Variants in MAF observed in about 807,000 individuals in gnomAD.
The protein encoded by MAF is transcription factor Maf.
MAF carries 10 observed loss-of-function variants against 22.0 expected under a neutral mutation model. That is an observed-to-expected ratio of 0.45 (90% CI 0.28 to 0.77). The LOEUF (loss-of-function observed/expected upper bound fraction) is 0.77. Among genes scored for constraint, MAF ranks in the 30% least tolerant of loss-of-function variants. The pLI, the probability that MAF is intolerant of heterozygous loss-of-function variation, is 0.12. For missense variants in MAF, 544 were observed against 548.4 expected (o/e 0.99, Z 0.08); for synonymous variants, 337 against 255.8 (o/e 1.32, Z -3.03).
chr16:79,258,267 A>T, the MAF span, among the ~76,000 whole-genome samples: 3 of 152,154 alleles, frequency 2.0e-5, no homozygotes, highest in East Asian at 5.8e-4. Context: ...CTCGTAAAAC[A>T]TGTGCAACAC....
chr16:79,432,552 TG>T, the MAF span, among the ~76,000 whole-genome samples: 1 of 152,182 alleles, frequency 6.6e-6, no homozygotes, highest in Non-Finnish European at 1.5e-5. Context: ...GTAATATTTT[TG>T]TACCACAGTA....
At chr16:79,302,028 C>T in the MAF span, among the ~76,000 whole-genome samples, 1 of 152,224 alleles carries the variant, frequency 6.6e-6, no homozygotes, top group Non-Finnish European at 1.5e-5. Context: ...ATAGGCATGA[C>T]CTAGGTCATC....
At chr16:79,290,269 C>G in the MAF span, among the ~76,000 whole-genome samples, 1 of 152,176 alleles carries the variant, frequency 6.6e-6, no homozygotes, top group African/African-American at 2.4e-5. Context: ...AGGATGCCAA[C>G]AACACCGAGC....
chr16:79,337,993 G>T, the MAF span, among the ~76,000 whole-genome samples: 1 of 152,144 alleles, frequency 6.6e-6, no homozygotes, highest in East Asian at 1.9e-4. Context: ...CCAGCTTTGT[G>T]TCAGGCCCTG....
At chr16:79,472,654 A>T in the MAF span, among the ~76,000 whole-genome samples, 1 of 152,028 alleles carries the variant, frequency 6.6e-6, no homozygotes, top group Non-Finnish European at 1.5e-5. Flanking sequence ...ATGGGTATGG[A>T]GTTTCCTTCT....
At chr16:79,426,850 A>G in the MAF span, among the ~76,000 whole-genome samples, 1 of 152,226 alleles carries the variant, frequency 6.6e-6, no homozygotes, top group Admixed American at 6.5e-5. Flanking sequence ...GCCAACACAT[A>G]GGGTGTATAA....
At chr16:79,353,907 T>G in the MAF span, among the ~76,000 whole-genome samples, 1 of 152,198 alleles carries the variant, frequency 6.6e-6, no homozygotes, top group African/African-American at 2.4e-5. Flanking sequence ...CAAACCTTTC[T>G]GGGGATCACT....
chr16:79,211,836 G>A, the MAF span: 8 of 1,612,624 alleles, frequency 5.0e-6, no homozygotes, highest in East Asian at 1.3e-4. Flanking sequence ...CCCGCCCTGT[G>A]TGTGTCCCCT....
the MAF span, among the ~76,000 whole-genome samples, chr16:79,448,375 G>T: frequency 9.7e-6 from 1 of 103,230 alleles, no homozygotes; most frequent in Non-Finnish European, 2.4e-5. Flanking sequence ...ATGAATGCTA[G>T]CATTTTTTTT....
At chr16:79,458,296 AG>A in the MAF span, among the ~76,000 whole-genome samples, 1 of 152,084 alleles carries the variant, frequency 6.6e-6, no homozygotes, top group Non-Finnish European at 1.5e-5. Context: ...AGTCCTGAGA[AG>A]GCATGTGTCT....
chr16:79,329,956 T>C, the MAF span, among the ~76,000 whole-genome samples: 13 of 147,952 alleles, frequency 8.8e-5, no homozygotes, highest in Admixed American at 7.4e-4. Context: ...TAAGTCATCA[T>C]AAAAAAAAAA....
chr16:79,472,601 G>T, the MAF span, among the ~76,000 whole-genome samples: 8 of 152,244 alleles, frequency 5.3e-5, no homozygotes, highest in Middle Eastern at 3.4e-3. Flanking sequence ...ATGAGTGGTT[G>T]CCTAGGGCTT....
chr16:79,368,451 T>C, the MAF span, among the ~76,000 whole-genome samples: 1 of 152,172 alleles, frequency 6.6e-6, no homozygotes, highest in African/African-American at 2.4e-5. Flanking sequence ...ATCCATCTGA[T>C]TTGCAGTGGT....
chr16:79,229,169 C>T, the MAF span: 1 of 151,852 alleles, frequency 6.6e-6, no homozygotes, highest in East Asian at 1.9e-4. Flanking sequence ...CACGAACTTT[C>T]TCCTTCTGAG....
At chr16:79,281,798 G>A in the MAF span, among the ~76,000 whole-genome samples, 2 of 152,046 alleles carry the variant, frequency 1.3e-5, no homozygotes, top group Non-Finnish European at 2.9e-5. Context: ...GCCTGCCTCA[G>A]CCTCCTAAAG....
the MAF span, among the ~76,000 whole-genome samples, chr16:79,416,865 T>C: frequency 6.6e-6 from 1 of 152,198 alleles, no homozygotes; most frequent in African/African-American, 2.4e-5. Flanking sequence ...AAGTGTTATA[T>C]AGTTTTAGGA....
chr16:79,400,074 G>A, the MAF span, among the ~76,000 whole-genome samples: 1 of 152,178 alleles, frequency 6.6e-6, no homozygotes, highest in Non-Finnish European at 1.5e-5. Context: ...GGGGAGAGTT[G>A]ACAATATCTA....
chr16:79,214,865 C>T, the MAF span, among the ~76,000 whole-genome samples: 1 of 151,638 alleles, frequency 6.6e-6, no homozygotes, highest in Admixed American at 6.6e-5. Flanking sequence ...TGCCCACAAC[C>T]ACACCTGGCT....
the MAF span, among the ~76,000 whole-genome samples, chr16:79,296,891 A>G: frequency 2.0e-5 from 3 of 152,258 alleles, no homozygotes; most frequent in South Asian, 6.2e-4. Flanking sequence ...TTTGCTCTCA[A>G]TGCCCTGGTG....
Sources: allele counts gnomAD v4.1 joint callset (sites outside exome capture counted in the v4.1 genomes callset), GRCh38; gene constraint gnomAD v4.1.1; transcripts MANE v1.5; gene names NCBI Gene and HGNC (gene_info 2026-07-23, HGNC 2026-07-21).